PCDH15: variants seen among roughly 807,000 people sequenced by gnomAD.
The protein encoded by PCDH15 is protocadherin-15.
A neutral mutation model predicts 178.5 loss-of-function variants in PCDH15; 129 were observed. That is an observed-to-expected ratio of 0.72 (90% CI 0.63 to 0.84). PCDH15 has a LOEUF of 0.84. PCDH15 is among the 40% of genes least tolerant of loss of function. The probability of loss-of-function intolerance (pLI) is 0.00; values close to 1 mark genes in which losing one functional copy is unlikely to be tolerated. For missense variants in PCDH15, 2,230 were observed against 2,099.9 expected, an observed-to-expected ratio of 1.06 and a Z score of -1.21; for synonymous variants, 800 against 732.0, an observed-to-expected ratio of 1.09 and a Z score of -1.50.
chr10:55,613,371 C>T (rs1042916079), intron 2 of PCDH15, among the ~76,000 whole-genome samples: 3 of 152,064 alleles, frequency 2.0e-5, no homozygotes, highest in African/African-American at 7.2e-5. Flanking sequence ...ATAGAGGCAG[C>T]ACCAACAAAA....
intron 1 of PCDH15, among the ~76,000 whole-genome samples, chr10:54,710,952 A>G (rs917714477): frequency 3.3e-5 from 5 of 152,048 alleles, no homozygotes; most frequent in Admixed American, 3.3e-4. Context: ...TGCAGCAGGC[A>G]TAAACCGGAT....
chr10:55,293,503 T>G (rs535703367), intron 1 of PCDH15, among the ~76,000 whole-genome samples: 1 of 152,274 alleles, frequency 6.6e-6, no homozygotes, highest in South Asian at 2.1e-4. Context: ...AGGCTGCAAA[T>G]TTTTCAAACT....
At chr10:53,808,510 T>C (rs1374124388) in intron 37 of PCDH15, 4 of 1,422,252 alleles carry the variant, frequency 2.8e-6, no homozygotes, top group Non-Finnish European at 3.7e-6. Context: ...TCTAATACAG[T>C]CTAATATACA....
intron 1 of PCDH15, among the ~76,000 whole-genome samples, chr10:54,736,654 G>A (rs1944166869): frequency 6.6e-6 from 1 of 151,976 alleles, no homozygotes; most frequent in African/African-American, 2.4e-5. Flanking sequence ...TATATTAGAT[G>A]GTACTTCATA....
At chr10:55,491,375 A>G (rs1840412051) in intron 2 of PCDH15, among the ~76,000 whole-genome samples, 1 of 151,690 alleles carries the variant, frequency 6.6e-6, no homozygotes, top group Non-Finnish European at 1.5e-5. Flanking sequence ...GTAAGGTGAG[A>G]TTCTACATCA....
chr10:55,175,068 A>G (rs1181409271), intron 1 of PCDH15, among the ~76,000 whole-genome samples: 1 of 152,076 alleles, frequency 6.6e-6, no homozygotes, highest in Non-Finnish European at 1.5e-5. Flanking sequence ...TAGTGCCAAG[A>G]AAGGGGAAGA....
chr10:54,242,390 C>T (rs762288159), intron 8 of PCDH15, among the ~76,000 whole-genome samples: 1 of 151,116 alleles, frequency 6.6e-6, no homozygotes, highest in African/African-American at 2.4e-5. Flanking sequence ...CACTGTTTAG[C>T]TTATATCAGG....
At chr10:54,111,105 T>G (rs2095015187) in intron 15 of PCDH15, among the ~76,000 whole-genome samples, 1 of 152,148 alleles carries the variant, frequency 6.6e-6, no homozygotes, top group Non-Finnish European at 1.5e-5. Context: ...TTCCTTTCTA[T>G]TTATCAAAAT....
chr10:55,417,276 A>C (rs1342340617), intron 2 of PCDH15, among the ~76,000 whole-genome samples: 1 of 151,762 alleles, frequency 6.6e-6, no homozygotes, highest in Non-Finnish European at 1.5e-5. Context: ...ACCAAATCAT[A>C]GTGCAGCTAT....
chr10:54,447,195 T>C lies in PCDH15; in HGVS notation c.158-68253A>G, dbSNP rs767139813. Among the ~76,000 whole-genome samples, 11 of 151,728 alleles carry C rather than the reference T, an allele frequency of 7.2e-5. No individual in the cohort carries two copies. In the East Asian group the frequency reaches 7.7e-4, roughly 11 times the overall value. The stretch of plus-strand genomic sequence containing the variant: ...TCTGGTACATGAGCCTGAATTTGGG[T>C]CTCTACAACATCTTCACCTAGTTAC... On this transcript the variant is annotated intron_variant, in intron 3 of 37. Transcript: ENST00000644397.
chr10:54,159,489 C>A (rs2045498308), intron 13 of PCDH15, among the ~76,000 whole-genome samples: 2 of 151,992 alleles, frequency 1.3e-5, no homozygotes, highest in Non-Finnish European at 2.9e-5. Flanking sequence ...ACCAAATTCA[C>A]CACTTTCTGA....
intron 26 of PCDH15, among the ~76,000 whole-genome samples, chr10:53,893,140 A>G (rs1013317120): frequency 6.6e-6 from 1 of 152,160 alleles, no homozygotes; most frequent in African/African-American, 2.4e-5. Context: ...TAAGTACAGT[A>G]TAGCCTGTGA....
intron 2 of PCDH15, among the ~76,000 whole-genome samples, chr10:55,474,654 G>C (rs1392045150): frequency 6.6e-6 from 1 of 152,092 alleles, no homozygotes; most frequent in Non-Finnish European, 1.5e-5. Context: ...AGTATCAAAA[G>C]GAAAACAATG....
chr10:54,651,221 A>G (rs1358199864), intron 2 of PCDH15, among the ~76,000 whole-genome samples: 1 of 152,138 alleles, frequency 6.6e-6, no homozygotes, highest in Non-Finnish European at 1.5e-5. Flanking sequence ...CAATATAGAC[A>G]GAAGGAAATA....
chr10:55,503,828 GT>G (rs1473149403), intron 2 of PCDH15, among the ~76,000 whole-genome samples: 2 of 151,380 alleles, frequency 1.3e-5, no homozygotes, highest in African/African-American at 2.4e-5. Flanking sequence ...GTACAGCCAT[GT>G]TGGAGATTCT....
intron 1 of PCDH15, among the ~76,000 whole-genome samples, chr10:55,177,514 C>T (rs1320170805): frequency 2.0e-5 from 3 of 152,124 alleles, no homozygotes; most frequent in Non-Finnish European, 2.9e-5. Context: ...AAAGGATGGC[C>T]GGCCTGCCTC....
At position 54,153,219 on chromosome 10, in the gene PCDH15, G is replaced by T. The variant is rs2133338748; in HGVS notation, c.1665C>A (p.Asp555Glu). Reference sequence around the variant, plus strand: ...GCCCTGTTGTTTTATTGATGATGAAGTCTCCCTGAGCCCCAACAAGGATTT... The same window carrying T: ...GCCCTGTTGTTTTATTGATGATGAATTCTCCCTGAGCCCCAACAAGGATTT... ...TYEILVGAQG[D>E]FIINKTTGLI... The change falls in exon 14 of 38, where the codon GAC (aspartate) becomes GAA (glutamate). Residue 555 changes from aspartate to glutamate, a missense_variant. Physicochemically the swap from Asp to Glu is conservative, Grantham distance 45. Coordinates refer to ENST00000644397, the MANE Select transcript of PCDH15 (RefSeq NM_001384140.1). 2 of 1,613,730 alleles carry T rather than the reference G, an allele frequency of 1.2e-6. No homozygotes were observed. The highest frequency in any genetic ancestry group is 1.3e-5 in the African/African-American group (1 of 74,940).
intron 2 of PCDH15, among the ~76,000 whole-genome samples, chr10:54,562,458 G>A (rs958659786): frequency 1.3e-5 from 2 of 152,094 alleles, no homozygotes; most frequent in East Asian, 1.9e-4. Flanking sequence ...TGAAGCCAAA[G>A]ATAAGTTAAT....
At chr10:54,495,833 C>T (rs1395427221) in intron 3 of PCDH15, among the ~76,000 whole-genome samples, 1 of 152,106 alleles carries the variant, frequency 6.6e-6, no homozygotes, top group Admixed American at 6.6e-5. Context: ...ACAATAGTCT[C>T]CTATTTGGTC....
Sources: gnomAD v4.1 joint callset for allele counts (sites outside exome capture counted in the v4.1 genomes callset) on GRCh38, gnomAD v4.1.1 for gene constraint, MANE v1.5 for transcripts, NCBI Gene and HGNC (gene_info 2026-07-23, HGNC 2026-07-21) for gene names.